The following FOXK1 variants were observed in gnomAD, a reference collection of about 807,000 sequenced individuals.
FOXK1 encodes forkhead box K1, also known as forkhead box protein K1.
A neutral mutation model predicts 51.9 loss-of-function variants in FOXK1; 19 were observed. That is an observed-to-expected ratio of 0.37 (90% CI 0.26 to 0.54). The LOEUF is 0.54. Among genes scored for constraint, FOXK1 ranks in the 20% least tolerant of loss-of-function variants. FOXK1 has a pLI of 0.87. For synonymous variants in FOXK1, 537 were observed against 482.6 expected (o/e 1.11, Z -1.48); for missense variants, 870 against 1,032.7 (o/e 0.84, Z 2.16).
At chr7:4,724,063 T>G (rs920420441) in intron 1 of FOXK1, among the ~76,000 whole-genome samples, 1 of 152,140 alleles carries the variant, frequency 6.6e-6, no homozygotes, top group Non-Finnish European at 1.5e-5. Flanking sequence ...GTTGTGTGAG[T>G]GAACATGGTA....
In FOXK1 at chr7:4,729,932, G is replaced by T. The variant is rs1249924731; in HGVS notation, c.561-10906G>T. ...TTGAACCCGGAAGGTGGAGTTTGCA[G>T]TGAGCTGAGATCCAGCCACTGCCCT... On this transcript the variant is annotated intron_variant, in intron 1 of 8. Coordinates refer to ENST00000328914, the MANE Select transcript of FOXK1 (RefSeq NM_001037165.2). This position sits in a 1 kb window ranked among gnomAD's most constrained non-coding sequence, Gnocchi z 6.2. Among the ~76,000 whole-genome samples the T allele has an allele frequency of 6.6e-6, 1 of 152,174 alleles. No individual in the cohort carries two copies. The highest frequency in any genetic ancestry group is 1.5e-5 in the Non-Finnish European group (1 of 68,032).
Position 4,699,351 on chromosome 7 carries a change from G to A in FOXK1, c.560+16483G>A, listed in dbSNP as rs536380003. Among the ~76,000 whole-genome samples the A allele has an allele frequency of 4.1e-5, 6 of 145,540 alleles. No homozygotes were observed. In the South Asian group the frequency reaches 8.8e-4, roughly 21 times the overall value. ...AGGCTGGAGTGCAGTGACACGACTC[G>A]TGGGGTCCTTATCCACAGGGTTAGG... On this transcript the variant is annotated intron_variant, in intron 1 of 8. Transcript: ENST00000328914.
In FOXK1 at chr7:4,682,901, C is replaced by G. The variant is rs1223683343; in HGVS notation, c.560+33C>G. On this transcript the variant is annotated intron_variant, in intron 1 of 8. Transcript: ENST00000328914. The surrounding 1 kb of genome is among the most constrained non-coding windows in gnomAD (Gnocchi z 7.6). ...GCCCCGCGACCCCCGCCGCCCGCACCCGGGGCTCGCCCACGACCTCGATCT... is the reference window on the plus strand; with the variant it reads ...GCCCCGCGACCCCCGCCGCCCGCACGCGGGGCTCGCCCACGACCTCGATCT... The G allele has an allele frequency of 6.3e-6, 9 of 1,426,792 alleles. No homozygotes were observed. The highest frequency in any genetic ancestry group is 1.4e-5 in the South Asian group (1 of 70,524). 88.4% of individuals were successfully genotyped at this position (1,426,792 alleles called of 1,614,324 possible).
intron 2 of FOXK1, among the ~76,000 whole-genome samples, chr7:4,746,537 A>G (rs541328600): frequency 6.6e-6 from 1 of 151,730 alleles, no homozygotes; most frequent in South Asian, 2.1e-4. Context: ...TTTTTTTGCT[A>G]ATTAGCCAGG....
At chr7:4,744,255 T>C (rs1265311825) in intron 2 of FOXK1, among the ~76,000 whole-genome samples, 2 of 152,118 alleles carry the variant, frequency 1.3e-5, no homozygotes, top group African/African-American at 4.8e-5. Flanking sequence ...GGGAAAATAC[T>C]GTTTATTTTT....
chr7:4,732,944 A>G (rs996400469), intron 1 of FOXK1, among the ~76,000 whole-genome samples: 10 of 152,018 alleles, frequency 6.6e-5, no homozygotes, highest in Non-Finnish European at 1.2e-4. Context: ...CGCTGACCCA[A>G]CTCTAGAACT....
At chr7:4,708,419 G>T (rs1028317287) in intron 1 of FOXK1, among the ~76,000 whole-genome samples, 2 of 152,150 alleles carry the variant, frequency 1.3e-5, no homozygotes, top group African/African-American at 4.8e-5. Context: ...AATCAGAGTG[G>T]ATCTTGGGAA....
At position 4,745,143 on chromosome 7, in the gene FOXK1, C is replaced by T. The variant is rs1320058596; in HGVS notation, c.746+4120C>T. On this transcript the variant is annotated intron_variant, in intron 2 of 8. Transcript: ENST00000328914. This position sits in a 1 kb window ranked among gnomAD's most constrained non-coding sequence, Gnocchi z 4.3. ...AACAGATCGGGAGGTGGGAGCGGGG[C>T]CAGGCCAGAAGAGCTGGCTGCCTGC... Among the ~76,000 whole-genome samples, 1 of 152,238 alleles carries T rather than the reference C, an allele frequency of 6.6e-6. No homozygotes were observed. The highest frequency in any genetic ancestry group is 1.5e-5 in the Non-Finnish European group (1 of 68,040).
chr7:4,728,744 A>AG (rs1239508786), intron 1 of FOXK1, among the ~76,000 whole-genome samples: 2 of 151,182 alleles, frequency 1.3e-5, no homozygotes, highest in African/African-American at 2.4e-5. Flanking sequence ...AAAAAAAAAA[A>AG]AAAAAAAGAA....
chr7:4,696,670 T>A (rs1779956322), intron 1 of FOXK1, among the ~76,000 whole-genome samples: 1 of 152,208 alleles, frequency 6.6e-6, no homozygotes, highest in Non-Finnish European at 1.5e-5. Context: ...AAGACACACT[T>A]CCAGGTGTCA....
At position 4,683,427 on chromosome 7, in the gene FOXK1, C is replaced by G. The variant is rs997692957; in HGVS notation, c.560+559C>G. On this transcript the variant is annotated intron_variant, in intron 1 of 8. Coordinates refer to ENST00000328914, the MANE Select transcript of FOXK1 (RefSeq NM_001037165.2). The surrounding 1 kb of genome is among the most constrained non-coding windows in gnomAD (Gnocchi z 4.5). ...TAACCGCGACCCCCACTTCCTAGGC[C>G]CCCCCGGAGTCACCCCTGACCGCTA... Among the ~76,000 whole-genome samples, 3 of 151,464 alleles carry G rather than the reference C, an allele frequency of 2.0e-5. No individual in the cohort carries two copies. Among genetic ancestry groups the G allele is most frequent in the Non-Finnish European group, 4.4e-5 (3 of 67,804 alleles).
intron 1 of FOXK1, among the ~76,000 whole-genome samples, chr7:4,687,262 C>A (rs1021505441): frequency 3.3e-5 from 5 of 150,768 alleles, no homozygotes; most frequent in African/African-American, 1.2e-4. Flanking sequence ...GTTAATGTAT[C>A]CAACTGAATT....
At chr7:4,714,404 G>C (rs529775347) in intron 1 of FOXK1, among the ~76,000 whole-genome samples, 13 of 152,074 alleles carry the variant, frequency 8.5e-5, no homozygotes, top group Admixed American at 2.0e-4. Flanking sequence ...TCAGCCTCCC[G>C]AGTAGCTGGG....
In FOXK1 at chr7:4,756,969, G is replaced by T; in HGVS notation, c.1051-25G>T. ...CTCATTTTCTGATTTGCTGGTGATG[G>T]GTGAATATCTCTGCTTCCCTGCAGA... On this transcript the variant is annotated intron_variant, in intron 4 of 8. Coordinates refer to ENST00000328914, the MANE Select transcript of FOXK1 (RefSeq NM_001037165.2). The surrounding 1 kb of genome is among the most constrained non-coding windows in gnomAD (Gnocchi z 4.1). 1.2e-6 allele frequency: 2 copies of T among 1,608,302 alleles called. No homozygotes were observed. The highest frequency in any genetic ancestry group is 1.8e-4 in the Middle Eastern group (1 of 5,538).
chr7:4,761,177 C>A lies in FOXK1; in HGVS notation c.1810C>A (p.Leu604Met). 2 of 1,612,750 alleles carry A rather than the reference C, an allele frequency of 1.2e-6. No homozygotes were observed. The highest frequency in any genetic ancestry group is 1.7e-6 in the Non-Finnish European group (2 of 1,180,012). Residue 604 changes from leucine (L) to methionine (M), a missense_variant, in exon 8 of 9, where the codon CTG (leucine) becomes ATG (methionine). Transcript: ENST00000328914. The surrounding 1 kb of genome is among the most constrained non-coding windows in gnomAD (Gnocchi z 6.2). The part of the protein sequence containing the change: ...PGVPGHTVTI[L>M]QPATPVTLGQ... ...GGTCCCCGGACACACGGTCACCATC[C>A]TGCAGCCCGCCACACCCGTGACCCT...
rs751123682 is a variant in FOXK1, at chr7:4,756,967, T to C, written c.1051-27T>C. 1.5e-5 allele frequency: 24 copies of C among 1,607,306 alleles called. No homozygotes were observed. The highest frequency in any genetic ancestry group is 2.0e-5 in the Non-Finnish European group (24 of 1,177,048). On this transcript the variant is annotated intron_variant, in intron 4 of 8. Coordinates refer to ENST00000328914, the MANE Select transcript of FOXK1 (RefSeq NM_001037165.2). This position sits in a 1 kb window ranked among gnomAD's most constrained non-coding sequence, Gnocchi z 4.1. The stretch of plus-strand genomic sequence containing the variant: ...GACTCATTTTCTGATTTGCTGGTGA[T>C]GGGTGAATATCTCTGCTTCCCTGCA...
chr7:4,682,444 C>A lies in FOXK1; in HGVS notation c.136C>A (p.Pro46Thr). The stretch of plus-strand genomic sequence containing the variant: ...CGCACCCCCGCCGGCCCCCGCGCAG[C>A]CCCAGCCTCCGCCCGGGCCGCCGCC... ...AAAPPPAPAQ[P>T]QPPPGPPPPP... is the part of the protein sequence containing the mutation. The change falls in exon 1 of 9, where the codon CCC becomes ACC. Residue 46 changes from proline to threonine, a missense_variant. By Grantham distance (38) the Pro-to-Thr change is conservative. Around this residue, in one of 3 missense-constraint regions of FOXK1, gnomAD observed 399 missense variants for 475.6 expected, o/e 0.84. Transcript: ENST00000328914. The surrounding 1 kb of genome is among the most constrained non-coding windows in gnomAD (Gnocchi z 7.6). 1 of 982,802 alleles carries A rather than the reference C, an allele frequency of 1.0e-6. No individual in the cohort carries two copies. The highest frequency in any genetic ancestry group is 1.2e-6 in the Non-Finnish European group (1 of 829,992). 60.9% of individuals were successfully genotyped at this position (982,802 alleles called of 1,614,324 possible).
Position 4,734,564 on chromosome 7 carries a change from A to AC in FOXK1, c.561-6267dup, listed in dbSNP as rs888925647. The stretch of plus-strand genomic sequence containing the variant: ...TGGAAGGGGAGGTGCCCCCCGGCCC[A>AC]CCCCCCCGCTGCCCAAGTGTGCGTG... On this transcript the variant is annotated intron_variant, in intron 1 of 8. Transcript: ENST00000328914. This position sits in a 1 kb window ranked among gnomAD's most constrained non-coding sequence, Gnocchi z 5.2. 9.3e-5 allele frequency among the ~76,000 whole-genome samples: 14 copies of AC among 149,882 alleles called. No homozygotes were observed. The highest frequency in any genetic ancestry group is 5.9e-4 in the East Asian group (3 of 5,070).
rs1021056579 is a variant in FOXK1 at position 4,747,237 on chromosome 7, C to T, written c.746+6214C>T. ...GTAGGCCTGTTGCATGGCTTCTGTGCGGGCATGTTACGCACGAGGACAGCC... is the reference window on the plus strand; with the variant it reads ...GTAGGCCTGTTGCATGGCTTCTGTGTGGGCATGTTACGCACGAGGACAGCC... On this transcript the variant is annotated intron_variant, in intron 2 of 8. Transcript: ENST00000328914. The surrounding 1 kb of genome is among the most constrained non-coding windows in gnomAD (Gnocchi z 9.2). Among the ~76,000 whole-genome samples, 4 of 152,088 alleles carry T rather than the reference C, an allele frequency of 2.6e-5. No individual in the cohort carries two copies. Among genetic ancestry groups the T allele is most frequent in the Admixed American group, 6.6e-5 (1 of 15,264 alleles).
Sources: allele counts gnomAD v4.1 joint callset (sites outside exome capture counted in the v4.1 genomes callset), GRCh38; gene constraint gnomAD v4.1.1; regional missense constraint gnomAD v4.1.1; non-coding constraint Gnocchi (gnomAD v3.1); transcripts MANE v1.5; gene names NCBI Gene and HGNC (gene_info 2026-07-23, HGNC 2026-07-21).